MND1: variants seen among roughly 807,000 people sequenced by gnomAD.
The protein encoded by MND1 is meiotic nuclear division protein 1 homolog.
Under a neutral mutation model 35.1 loss-of-function variants are expected in MND1, and 28 were observed. The ratio of observed to expected loss-of-function variants is 0.80; its 90% confidence interval spans 0.59 to 1.09. The LOEUF (loss-of-function observed/expected upper bound fraction) is 1.09, where lower values mean the gene tolerates loss of function less well. MND1 is among the 50% of genes least tolerant of loss of function. MND1 has a pLI of 0.00. For synonymous variants in MND1, 69 were observed against 70.5 expected (o/e 0.98, Z 0.11); for missense variants, 213 against 239.6 (o/e 0.89, Z 0.73).
intron 7 of MND1, among the ~76,000 whole-genome samples, chr4:153,412,780 A>C (rs1236532901): frequency 6.7e-6 from 1 of 148,916 alleles, no homozygotes; most frequent in Non-Finnish European, 1.5e-5. Flanking sequence ...GAGCCACCGC[A>C]ACCAGCCAAT....
intron 4 of MND1, among the ~76,000 whole-genome samples, chr4:153,388,600 G>A (rs907801545): frequency 6.6e-6 from 1 of 152,154 alleles, no homozygotes; most frequent in Non-Finnish European, 1.5e-5. Context: ...ATTTACTTTA[G>A]TGAAATTTGG....
intron 1 of MND1, among the ~76,000 whole-genome samples, 166 bp from the exon 2 acceptor site, chr4:153,349,898 A>G (rs924831410): frequency 6.6e-6 from 1 of 152,214 alleles, no homozygotes; most frequent in African/African-American, 2.4e-5. Flanking sequence ...CACCTACCAC[A>G]GTGGTTGGCA....
Position 153,400,518 on chromosome 4 carries a change from T to G in MND1, c.466+3185T>G, listed in dbSNP as rs571285558. On this transcript the variant is annotated intron_variant, in intron 6 of 7. Coordinates refer to ENST00000240488, the MANE Select transcript of MND1 (RefSeq NM_032117.4). ...GCCTGGGCAAGAGAGTGAGACCCTA[T>G]CTCTACAAACAATTTAAAATTAGCT... is the stretch of plus-strand genomic sequence containing the variant. Among the ~76,000 whole-genome samples the G allele has an allele frequency of 5.0e-4, 76 of 152,276 alleles. 2 individuals are homozygous for G. The highest frequency in any genetic ancestry group is 1.8e-3 in the African/African-American group (75 of 41,560).
At chr4:153,354,774 A>G (rs1459516954) in intron 2 of MND1, among the ~76,000 whole-genome samples, 2 of 152,204 alleles carry the variant, frequency 1.3e-5, no homozygotes, top group African/African-American at 4.8e-5. Flanking sequence ...TGGTGGGATT[A>G]TAGACAGGAG....
At chr4:153,407,605 T>A (rs1579958011) in intron 6 of MND1, among the ~76,000 whole-genome samples, 1 of 152,212 alleles carries the variant, frequency 6.6e-6, no homozygotes, top group Non-Finnish European at 1.5e-5. Context: ...ATTGAAAATA[T>A]GTCCACACAA....
At chr4:153,346,404 A>G (rs1373801824) in intron 1 of MND1, among the ~76,000 whole-genome samples, 1 of 152,206 alleles carries the variant, frequency 6.6e-6, no homozygotes, top group African/African-American at 2.4e-5. Flanking sequence ...ATAGTCCTTG[A>G]GTCAGGTTTT....
intron 4 of MND1, among the ~76,000 whole-genome samples, chr4:153,383,853 C>T (rs1728775889): frequency 6.6e-6 from 1 of 152,136 alleles, no homozygotes. Context: ...TTAGCTAGAC[C>T]TATTGTCTGA....
At chr4:153,345,679 G>C (rs1773060519) in intron 1 of MND1, among the ~76,000 whole-genome samples, 1 of 152,230 alleles carries the variant, frequency 6.6e-6, no homozygotes, top group Non-Finnish European at 1.5e-5. Flanking sequence ...ATGTTGCCGA[G>C]CTAAGGGGGG....
At chr4:153,353,287 T>G (rs1175979713) in intron 2 of MND1, among the ~76,000 whole-genome samples, 1 of 151,292 alleles carries the variant, frequency 6.6e-6, no homozygotes, top group Non-Finnish European at 1.5e-5. Flanking sequence ...ATGAAATTTT[T>G]TCAACATTTT....
chr4:153,362,128 G>C (rs542793491), intron 4 of MND1, among the ~76,000 whole-genome samples: 1 of 152,118 alleles, frequency 6.6e-6, no homozygotes, highest in African/African-American at 2.4e-5. Context: ...AATTCTATTT[G>C]GTCCTTTTTC....
intron 4 of MND1, among the ~76,000 whole-genome samples, chr4:153,393,564 A>T (rs1729108413): frequency 6.6e-6 from 1 of 151,606 alleles, no homozygotes; most frequent in Admixed American, 6.6e-5. Context: ...GTATTTGTTG[A>T]GATGGGGTTT....
At chr4:153,347,883 T>C (rs1016567153) in intron 1 of MND1, among the ~76,000 whole-genome samples, 6 of 151,862 alleles carry the variant, frequency 4.0e-5, no homozygotes, top group Admixed American at 2.0e-4. Flanking sequence ...TGAGGTGGGG[T>C]GTGGTGGAAG....
At chr4:153,389,549 C>T (rs1007286001) in intron 4 of MND1, among the ~76,000 whole-genome samples, 3 of 151,996 alleles carry the variant, frequency 2.0e-5, no homozygotes, top group South Asian at 2.1e-4. Context: ...TTAGTAGTGA[C>T]GGGATTTCAC....
intron 4 of MND1, among the ~76,000 whole-genome samples, chr4:153,383,480 A>G (rs1251838308): frequency 1.3e-5 from 2 of 152,230 alleles, no homozygotes; most frequent in Non-Finnish European, 2.9e-5. Flanking sequence ...ACACTGAGGC[A>G]TTTTAACAAC....
At chr4:153,392,109 G>GTT (rs35314818) in intron 4 of MND1, among the ~76,000 whole-genome samples, 18 of 148,656 alleles carry the variant, frequency 1.2e-4, no homozygotes, top group African/African-American at 1.7e-4. Context: ...GGGCAGTTTA[G>GTT]TTTTTTTTTT....
rs767618665 is a variant in MND1 at position 153,347,500 on chromosome 4, A to G, written c.4-2564A>G. 5.3e-5 allele frequency among the ~76,000 whole-genome samples: 8 copies of G among 152,260 alleles called. No homozygotes were observed. The East Asian group carries it at 1.2e-3, about 22-fold the overall frequency. ...GCTTTAGATACATGGTCCTAAAATT[A>G]AGAGCTTTATGTCTCCCTTGTCTAA... On this transcript the variant is annotated intron_variant, in intron 1 of 7. Coordinates refer to ENST00000240488, the MANE Select transcript of MND1 (RefSeq NM_032117.4).
At chr4:153,381,730 T>G (rs1346116215) in intron 4 of MND1, 2 of 102,174 alleles carry the variant, frequency 2.0e-5, no homozygotes, top group Non-Finnish European at 3.8e-5. Context: ...TTTTAAGAGA[T>G]AGAGTCTTGC....
intron 6 of MND1, 23 bp from the exon 7 acceptor site, chr4:153,408,948 T>TCA (rs1561081764): frequency 2.0e-6 from 2 of 1,004,006 alleles, no homozygotes; most frequent in East Asian, 4.0e-5. Context: ...ACATTTCATT[T>TCA]TATATATATA....
chr4:153,345,776 T>C (rs1773063454), intron 1 of MND1, among the ~76,000 whole-genome samples: 1 of 152,266 alleles, frequency 6.6e-6, no homozygotes, highest in South Asian at 2.1e-4. Flanking sequence ...GGCTTCTTTG[T>C]GGTTAAACTA....
Sources: allele counts gnomAD v4.1 joint callset (sites outside exome capture counted in the v4.1 genomes callset), GRCh38; gene constraint gnomAD v4.1.1; transcripts MANE v1.5; gene names NCBI Gene and HGNC (gene_info 2026-07-23, HGNC 2026-07-21).